The following THSD4 variants were observed in gnomAD, a reference collection of about 807,000 sequenced individuals.
The protein encoded by THSD4 is thrombospondin type-1 domain-containing protein 4.
Under a neutral mutation model 119.0 loss-of-function variants are expected in THSD4, and 69 were observed. That is an observed-to-expected ratio of 0.58 (90% CI 0.48 to 0.71). THSD4 has a LOEUF of 0.71. Among genes scored for constraint, THSD4 ranks in the 30% least tolerant of loss-of-function variants. The pLI, the probability that THSD4 is intolerant of heterozygous loss-of-function variation, is 0.00. For synonymous variants in THSD4, 524 were observed against 540.4 expected, an observed-to-expected ratio of 0.97 and a Z score of 0.42; for missense variants, 1,393 against 1,391.1, an observed-to-expected ratio of 1.00 and a Z score of -0.02.
At chr15:71,724,778 G>T (rs577995527) in intron 8 of THSD4, among the ~76,000 whole-genome samples, 1 of 152,134 alleles carries the variant, frequency 6.6e-6, no homozygotes, top group Non-Finnish European at 1.5e-5. Context: ...GAAGAGAGGC[G>T]GAGGAGGTTA....
intron 6 of THSD4, among the ~76,000 whole-genome samples, chr15:71,306,283 G>A (rs1055509017): frequency 1.3e-4 from 15 of 116,930 alleles, no homozygotes; most frequent in Admixed American, 6.0e-4. Context: ...TCCAGCCTGG[G>A]TGATAAGAGC....
chr15:71,101,194 A>C (rs2040252203), intron 1 of THSD4, among the ~76,000 whole-genome samples: 1 of 151,992 alleles, frequency 6.6e-6, no homozygotes, highest in South Asian at 2.1e-4. Flanking sequence ...ATCTCTGGGA[A>C]AAAAATTTTA....
chr15:71,266,499 G>A (rs1455141656), intron 6 of THSD4, among the ~76,000 whole-genome samples: 2 of 152,048 alleles, frequency 1.3e-5, no homozygotes, highest in East Asian at 1.9e-4. Context: ...CCACAAAGAT[G>A]AGGAAAAATC....
At chr15:71,282,249 G>A (rs1278660322) in intron 6 of THSD4, among the ~76,000 whole-genome samples, 2 of 152,056 alleles carry the variant, frequency 1.3e-5, no homozygotes, top group Non-Finnish European at 2.9e-5. Flanking sequence ...CCCAAATGAG[G>A]AATGTTTGGC....
Position 71,780,895 on chromosome 15 carries a change from A to T in THSD4, c.*3521A>T. 2.3e-6 allele frequency: 1 copy of T among 428,958 alleles called. No individual in the cohort carries two copies. Among genetic ancestry groups the T allele is most frequent in the Non-Finnish European group, 4.6e-6 (1 of 215,474 alleles). 26.6% of individuals were successfully genotyped at this position (428,958 alleles called of 1,614,324 possible). A position where few individuals can be genotyped will look rare whatever the true frequency, so the allele number is the denominator to read the frequency against. ...GAGCTTGGTGTATTTTCATCAAGTT[A>T]TGTGGCAGAGAAATCCAGATATTAC... On this transcript the variant is annotated 3_prime_UTR_variant, in exon 18 of 18. Coordinates refer to ENST00000261862, the MANE Select transcript of THSD4 (RefSeq NM_024817.3).
At chr15:71,287,281 G>A (rs1223708098) in intron 6 of THSD4, among the ~76,000 whole-genome samples, 1 of 152,128 alleles carries the variant, frequency 6.6e-6, no homozygotes, top group East Asian at 1.9e-4. Context: ...AAAGTTCATT[G>A]TTTTTATCAT....
At chr15:71,532,283 A>AGAGAGAGAGAGAGAGTGT (rs1379506089) in intron 7 of THSD4, among the ~76,000 whole-genome samples, 1,439 of 101,418 alleles carry the variant, frequency 0.014, 14 homozygotes, top group African/African-American at 0.019. Flanking sequence ...AGAGAGAGAG[A>AGAGAGAGAGAGAGAGTGT]GTGTGTGTGT....
rs184766981 is a variant in THSD4 at position 71,707,763 on chromosome 15, G to A, written c.1358-20786G>A. On this transcript the variant is annotated intron_variant, in intron 8 of 17. Transcript: ENST00000261862. ...AGAATTCAAGCCAAAATTCCAGGCT[G>A]GCTTTAAGTAATGAATACTGTAATT... Among the ~76,000 whole-genome samples the A allele has an allele frequency of 1.6e-3, 249 of 152,252 alleles. 3 individuals are homozygous for A. In the South Asian group the frequency reaches 0.02, roughly 12 times the overall value.
chr15:71,536,446 A>G (rs2048690276), intron 7 of THSD4, among the ~76,000 whole-genome samples: 1 of 152,194 alleles, frequency 6.6e-6, no homozygotes, highest in South Asian at 2.1e-4. Flanking sequence ...TTTTAAAGTC[A>G]TCAGAGTAGC....
chr15:71,464,696 A>G (rs1177121977), intron 7 of THSD4, among the ~76,000 whole-genome samples: 2 of 152,204 alleles, frequency 1.3e-5, no homozygotes. Context: ...AAGTTTAAGT[A>G]CAAACCCCCT....
intron 6 of THSD4, among the ~76,000 whole-genome samples, chr15:71,408,847 A>G (rs1355809623): frequency 6.6e-6 from 1 of 151,998 alleles, no homozygotes; most frequent in East Asian, 1.9e-4. Context: ...ACAAGACCCT[A>G]TCTCACACAG....
At chr15:71,577,831 C>T (rs1316612878) in intron 7 of THSD4, among the ~76,000 whole-genome samples, 1 of 151,586 alleles carries the variant, frequency 6.6e-6, no homozygotes, top group Admixed American at 6.6e-5. Flanking sequence ...CGTTATTCTT[C>T]TGCCTCAGCC....
intron 7 of THSD4, among the ~76,000 whole-genome samples, chr15:71,520,279 A>T (rs2048420981): frequency 6.6e-6 from 1 of 152,188 alleles, no homozygotes; most frequent in African/African-American, 2.4e-5. Context: ...TGAGACCCAG[A>T]TGGCAAACGT....
At chr15:71,685,252 C>G (rs1377677754) in intron 8 of THSD4, among the ~76,000 whole-genome samples, 3 of 150,828 alleles carry the variant, frequency 2.0e-5, no homozygotes, top group Non-Finnish European at 4.4e-5. Flanking sequence ...CAATGTGTGA[C>G]ACTTCTGTTT....
At chr15:71,299,984 T>A (rs867514330) in intron 6 of THSD4, among the ~76,000 whole-genome samples, 4,529 of 134,356 alleles carry the variant, frequency 0.034, 89 homozygotes, top group South Asian at 0.057. Context: ...AAAATATATA[T>A]ATATATATAT....
chr15:71,209,974 T>C (rs371303079), intron 3 of THSD4, among the ~76,000 whole-genome samples: 2 of 152,362 alleles, frequency 1.3e-5, no homozygotes, highest in South Asian at 2.1e-4. Flanking sequence ...ATTGTGGAAC[T>C]GTGAATCCAG....
chr15:71,766,370 AAG>A (rs1485201222), intron 16 of THSD4, among the ~76,000 whole-genome samples: 7 of 152,218 alleles, frequency 4.6e-5, no homozygotes, highest in Admixed American at 2.0e-4. Context: ...CTCATCACTG[AAG>A]ATCTTCAAGC....
At chr15:71,543,604 G>A (rs1292803088) in intron 7 of THSD4, among the ~76,000 whole-genome samples, 1 of 152,212 alleles carries the variant, frequency 6.6e-6, no homozygotes, top group African/African-American at 2.4e-5. Flanking sequence ...ACAGGTTTCA[G>A]GGAAACACTA....
intron 5 of THSD4, among the ~76,000 whole-genome samples, chr15:71,253,498 C>T (rs540232528): frequency 5.4e-4 from 82 of 152,072 alleles, no homozygotes; most frequent in African/African-American, 1.8e-3. Context: ...ACCTCTGCCT[C>T]ACAGGTTCAA....
Sources: allele counts gnomAD v4.1 joint callset (sites outside exome capture counted in the v4.1 genomes callset), GRCh38; gene constraint gnomAD v4.1.1; transcripts MANE v1.5; gene names NCBI Gene and HGNC (gene_info 2026-07-23, HGNC 2026-07-21).